The following KCNJ12 variants were observed in gnomAD, a reference collection of about 807,000 sequenced individuals.
The protein encoded by KCNJ12 is potassium inwardly rectifying channel subfamily J member 12, also known as ATP-sensitive inward rectifier potassium channel 12.
In KCNJ12, 2 loss-of-function variants were observed where a neutral mutation model predicts 22.3. The ratio of observed to expected loss-of-function variants is 0.09; its 90% CI spans 0.04 to 0.28. KCNJ12 has a LOEUF of 0.28. Among genes scored for constraint, KCNJ12 ranks in the 10% least tolerant of loss-of-function variants. The pLI is 1.00. For synonymous variants in KCNJ12, 117 were observed against 261.4 expected (o/e 0.45, Z 5.33); for missense variants, 155 against 633.3 (o/e 0.24, Z 8.11).
intron 1 of KCNJ12, among the ~76,000 whole-genome samples, chr17:21,385,834 A>C (rs1555558559): frequency 6.6e-6 from 1 of 152,194 alleles, no homozygotes. Context: ...GATCAAAGGC[A>C]GGTAATAGAG....
rs1373316205 is a variant in KCNJ12, at chr17:21,418,293, G to C, written c.*1649G>C. 7.0e-6 allele frequency: 1 copy of C among 143,244 alleles called. No individual in the cohort carries two copies. The highest frequency in any genetic ancestry group is 1.5e-5 in the Non-Finnish European group (1 of 65,710). The allele number at this position is 143,244 out of a possible 1,614,324, so 8.9% of individuals were successfully genotyped here. On this transcript the variant is annotated 3_prime_UTR_variant, in exon 3 of 3. Transcript: ENST00000583088. The stretch of plus-strand genomic sequence containing the variant: ...CTGCTCCAACTCTGCCCCCGAGACA[G>C]CTCAGAGCCAGAAGGCACCCCGAGA...
chr17:21,383,494 G>A (rs1567696221), intron 1 of KCNJ12, among the ~76,000 whole-genome samples: 1 of 152,226 alleles, frequency 6.6e-6, no homozygotes, highest in African/African-American at 2.4e-5. Flanking sequence ...GAGACCTGGG[G>A]CTTCCAGGGG....
chr17:21,417,910 G>T lies in KCNJ12; in HGVS notation c.*1266G>T, dbSNP rs543873392. 4 of 167,758 alleles carry T rather than the reference G, an allele frequency of 2.4e-5. No individual in the cohort carries two copies. The highest frequency in any genetic ancestry group is 3.8e-4 in the East Asian group (2 of 5,196). 10.4% of individuals were successfully genotyped at this position (167,758 alleles called of 1,614,324 possible). A position where few individuals can be genotyped will look rare whatever the true frequency, so the allele number is the denominator to read the frequency against. On this transcript the variant is annotated 3_prime_UTR_variant, in exon 3 of 3. Transcript: ENST00000583088. ...GCCCTGGTCAGCGCTGAATGGCAGA[G>T]GAAAGATCTTAGGAAAGGAGAGGAA...
intron 1 of KCNJ12, among the ~76,000 whole-genome samples, chr17:21,392,666 G>C (rs1442839543): frequency 3.3e-5 from 5 of 152,238 alleles, no homozygotes; most frequent in Non-Finnish European, 5.9e-5. Flanking sequence ...CCTCGAGTGG[G>C]TTCAGAGAAT....
Position 21,403,085 on chromosome 17 carries a change from G to C in KCNJ12, c.-178-5434G>C, listed in dbSNP as rs1381271876. Among the ~76,000 whole-genome samples, 4 of 152,304 alleles carry C rather than the reference G, an allele frequency of 2.6e-5. No individual in the cohort carries two copies. In the East Asian group the frequency reaches 7.7e-4, roughly 29 times the overall value. On this transcript the variant is annotated intron_variant, in intron 1 of 2. Transcript: ENST00000583088. The stretch of plus-strand genomic sequence containing the variant: ...TAGGAGTACTCACGGAGGAGCAAGG[G>C]ACTTGGGGAAATCATGGAAGACTTC...
Position 21,415,698 on chromosome 17 carries a change from G to T in KCNJ12, c.356G>T (p.Gly119Val). 1.5e-5 allele frequency: 24 copies of T among 1,613,066 alleles called. No homozygotes were observed. Among genetic ancestry groups the T allele is most frequent in the Non-Finnish European group, 2.0e-5 (24 of 1,179,938 alleles). The change falls in exon 3 of 3, where the codon GGC becomes GTC. Residue 119 changes from glycine to valine, a missense_variant. Coordinates refer to ENST00000583088, the MANE Select transcript of KCNJ12 (RefSeq NM_021012.5). ...GACCTGGAGCCGGCTGAGGGCCGGGGCCGCACACCCTGTGTGATGCAGGTG... is the reference window on the plus strand; with the variant it reads ...GACCTGGAGCCGGCTGAGGGCCGGGTCCGCACACCCTGTGTGATGCAGGTG... ...HGDLEPAEGR[G>V]RTPCVMQVHG...
chr17:21,384,406 G>A (rs574389993), intron 1 of KCNJ12, among the ~76,000 whole-genome samples: 1 of 152,274 alleles, frequency 6.6e-6, no homozygotes, highest in South Asian at 2.1e-4. Context: ...TAAGTACCAG[G>A]AGAGGTACCG....
At chr17:21,395,794 A>G (rs1397292371) in intron 1 of KCNJ12, among the ~76,000 whole-genome samples, 1 of 152,182 alleles carries the variant, frequency 6.6e-6, no homozygotes, top group East Asian at 1.9e-4. Flanking sequence ...TCTTACCACG[A>G]CTGAGTGGCA....
At chr17:21,395,370 G>A (rs372742454) in intron 1 of KCNJ12, among the ~76,000 whole-genome samples, 87 of 151,098 alleles carry the variant, frequency 5.8e-4, no homozygotes, top group Middle Eastern at 3.5e-3. Flanking sequence ...CAAAGCAGGT[G>A]GATCACTCGA....
chr17:21,399,207 C>T (rs919957149), intron 1 of KCNJ12, among the ~76,000 whole-genome samples: 1 of 152,202 alleles, frequency 6.6e-6, no homozygotes, highest in Non-Finnish European at 1.5e-5. Context: ...TGTGTGCATG[C>T]GCCCTTCCCA....
chr17:21,380,831 TGGCA>T (rs1555557837), intron 1 of KCNJ12, among the ~76,000 whole-genome samples: 1 of 150,418 alleles, frequency 6.6e-6, no homozygotes, highest in Non-Finnish European at 1.5e-5. Context: ...GGGCCCCAGA[TGGCA>T]GTGGGCCCCA....
Position 21,376,676 on chromosome 17 carries a change from A to G in KCNJ12, c.-416A>G, listed in dbSNP as rs1477863254. On this transcript the variant is annotated 5_prime_UTR_variant, in exon 1 of 3. Coordinates refer to ENST00000583088, the MANE Select transcript of KCNJ12 (RefSeq NM_021012.5). This position sits in a 1 kb window ranked among gnomAD's most constrained non-coding sequence, Gnocchi z 5.3. The stretch of plus-strand genomic sequence containing the variant: ...GACCGACGCCAGCCGCCCCGGCCCA[A>G]GCGAGCGCCCAGCGGCCGGGGGCGC... 2.0e-5 allele frequency: 3 copies of G among 151,566 alleles called. No individual in the cohort carries two copies. Among genetic ancestry groups the G allele is most frequent in the Admixed American group, 6.6e-5 (1 of 15,224 alleles). 9.4% of individuals were successfully genotyped at this position (151,566 alleles called of 1,614,324 possible).
chr17:21,414,539 A>C (rs1906574753), intron 2 of KCNJ12, among the ~76,000 whole-genome samples: 1 of 152,294 alleles, frequency 6.6e-6, no homozygotes, highest in South Asian at 2.1e-4. Flanking sequence ...TGGTGGTCTC[A>C]GGGTGGGGTT....
In KCNJ12 at chr17:21,389,652, G is replaced by A. The variant is rs138014572; in HGVS notation, c.-179+12739G>A. ...GGCTGAGTGGAGGTCTCTGCAGAGG[G>A]TGGGGGTGTGGTGGGGCAGGGACGG... On this transcript the variant is annotated intron_variant, in intron 1 of 2. Transcript: ENST00000583088. 3.2e-3 allele frequency among the ~76,000 whole-genome samples: 488 copies of A among 152,228 alleles called. 3 individuals carry two copies. The highest frequency in any genetic ancestry group is 0.011 in the African/African-American group (442 of 41,544).
At chr17:21,396,731 C>T (rs2142058409) in intron 1 of KCNJ12, among the ~76,000 whole-genome samples, 1 of 152,212 alleles carries the variant, frequency 6.6e-6, no homozygotes, top group East Asian at 1.9e-4. Flanking sequence ...AACCACTGGA[C>T]CCCTGGAGTC....
chr17:21,388,280 G>A (rs564963502), intron 1 of KCNJ12, among the ~76,000 whole-genome samples: 1 of 152,134 alleles, frequency 6.6e-6, no homozygotes, highest in Admixed American at 6.5e-5. Flanking sequence ...CAGCGGCCTC[G>A]CTTCAGACGC....
At chr17:21,398,790 T>G (rs1905470321) in intron 1 of KCNJ12, among the ~76,000 whole-genome samples, 1 of 152,232 alleles carries the variant, frequency 6.6e-6, no homozygotes. Flanking sequence ...CCAGCAAAGA[T>G]GCGTTTACAG....
In KCNJ12 at chr17:21,384,240, T is replaced by C. The variant is rs1434967563; in HGVS notation, c.-179+7327T>C. Among the ~76,000 whole-genome samples, 6 of 152,204 alleles carry C rather than the reference T, an allele frequency of 3.9e-5. No homozygotes were observed. The East Asian group carries it at 9.6e-4, about 24-fold the overall frequency. On this transcript the variant is annotated intron_variant, in intron 1 of 2. Coordinates refer to ENST00000583088, the MANE Select transcript of KCNJ12 (RefSeq NM_021012.5). Reference sequence around the variant, plus strand: ...CCACTGGACCCAGGGGGTCTCATCCTGTCGTCCTGGGCATGGATTGAGGGC... The same window carrying C: ...CCACTGGACCCAGGGGGTCTCATCCCGTCGTCCTGGGCATGGATTGAGGGC...
At chr17:21,411,361 G>A (rs1323483023) in intron 2 of KCNJ12, among the ~76,000 whole-genome samples, 1 of 152,304 alleles carries the variant, frequency 6.6e-6, no homozygotes, top group South Asian at 2.1e-4. Flanking sequence ...GTGGCCAGCA[G>A]GAAAGCAGGG....
Sources: gnomAD v4.1 joint callset for allele counts (sites outside exome capture counted in the v4.1 genomes callset) on GRCh38, gnomAD v4.1.1 for gene constraint, Gnocchi (gnomAD v3.1) non-coding constraint, MANE v1.5 for transcripts, NCBI Gene and HGNC (gene_info 2026-07-23, HGNC 2026-07-21) for gene names.